Variants in ESRRG observed in about 807,000 individuals in gnomAD.
The protein encoded by ESRRG is estrogen related receptor gamma.
A neutral mutation model predicts 44.0 loss-of-function variants in ESRRG; 13 were observed. That is an observed-to-expected ratio of 0.30 (90% confidence interval 0.19 to 0.47). ESRRG has a LOEUF of 0.47. Among genes scored for constraint, ESRRG ranks in the 20% least tolerant of loss-of-function variants. The probability of loss-of-function intolerance (pLI) is 1.00; values close to 1 mark genes in which losing one functional copy is unlikely to be tolerated. For synonymous variants in ESRRG, 215 were observed against 214.6 expected (o/e 1.00, Z -0.02); for missense variants, 395 against 580.6 (o/e 0.68, Z 3.29).
chr1:216,651,853 C>T (rs2069061771), intron 2 of ESRRG, among the ~76,000 whole-genome samples: 1 of 152,022 alleles, frequency 6.6e-6, no homozygotes, highest in Admixed American at 6.6e-5. Flanking sequence ...TATGGTAGTA[C>T]CTACATATTT....
intron 2 of ESRRG, among the ~76,000 whole-genome samples, chr1:216,750,469 C>T (rs546707503): frequency 4.6e-5 from 7 of 152,194 alleles, no homozygotes; most frequent in Non-Finnish European, 1.0e-4. Flanking sequence ...TATCTCCTGG[C>T]TTTTCTGATT....
chr1:216,662,471 A>G (rs999817966), intron 2 of ESRRG, among the ~76,000 whole-genome samples: 7 of 152,166 alleles, frequency 4.6e-5, no homozygotes, highest in African/African-American at 1.7e-4. Flanking sequence ...AGCCCAGAAA[A>G]CAATGGAAGC....
chr1:216,697,399 G>A (rs1302406221), intron 1 of ESRRG, among the ~76,000 whole-genome samples: 1 of 152,176 alleles, frequency 6.6e-6, no homozygotes, highest in African/African-American at 2.4e-5. Context: ...ATTTGTGTTT[G>A]TTTAAGCACT....
intron 2 of ESRRG, among the ~76,000 whole-genome samples, chr1:216,891,710 T>C (rs1339009202): frequency 6.6e-6 from 1 of 152,160 alleles, no homozygotes; most frequent in African/African-American, 2.4e-5. Flanking sequence ...TGGAGACCTT[T>C]TTTAGGGGGC....
intron 2 of ESRRG, among the ~76,000 whole-genome samples, chr1:216,773,695 T>C (rs528167416): frequency 1.4e-4 from 21 of 152,164 alleles, no homozygotes; most frequent in African/African-American, 5.1e-4. Context: ...TAAGGGAAAA[T>C]AGTCAGACTT....
At chr1:216,830,497 G>C (rs550431880) in intron 2 of ESRRG, among the ~76,000 whole-genome samples, 16 of 152,298 alleles carry the variant, frequency 1.1e-4, no homozygotes, top group Non-Finnish European at 2.1e-4. Flanking sequence ...TGAGAGGCTT[G>C]TCAGGTGTAA....
chr1:216,732,484 C>A (rs1192662730), intron 2 of ESRRG, among the ~76,000 whole-genome samples: 1 of 151,650 alleles, frequency 6.6e-6, no homozygotes, highest in Non-Finnish European at 1.5e-5. Flanking sequence ...TCAAGCTATT[C>A]TCTTGCCTCG....
intron 2 of ESRRG, among the ~76,000 whole-genome samples, chr1:216,871,114 G>T (rs957065271): frequency 8.6e-5 from 13 of 151,860 alleles, no homozygotes; most frequent in Non-Finnish European, 1.8e-4. Flanking sequence ...TTTTCTAATA[G>T]CATATAATGC....
At chr1:216,875,794 T>A (rs1577525718) in intron 2 of ESRRG, among the ~76,000 whole-genome samples, 1 of 152,292 alleles carries the variant, frequency 6.6e-6, no homozygotes, top group African/African-American at 2.4e-5. Context: ...AATTGCTGGG[T>A]CACAGGCTAT....
intron 3 of ESRRG, among the ~76,000 whole-genome samples, chr1:216,634,086 T>TCAC (rs897923439): frequency 4.2e-4 from 64 of 152,182 alleles, no homozygotes; most frequent in Admixed American, 2.8e-3. Context: ...ACAAAGAAAT[T>TCAC]CACCTCATAG....
chr1:217,040,732 G>T (rs1448646803), intron 1 of ESRRG, among the ~76,000 whole-genome samples: 1 of 151,986 alleles, frequency 6.6e-6, no homozygotes, highest in Non-Finnish European at 1.5e-5. Context: ...TCAGTAATTT[G>T]CCCAATAACA....
At chr1:216,985,318 C>T (rs2074682289) in intron 1 of ESRRG, among the ~76,000 whole-genome samples, 1 of 152,146 alleles carries the variant, frequency 6.6e-6, no homozygotes, top group Non-Finnish European at 1.5e-5. Context: ...TTTCCCAACC[C>T]ACCTCCACGC....
intron 5 of ESRRG, among the ~76,000 whole-genome samples, chr1:216,530,327 T>TATC (rs149706688): frequency 0.04 from 6,147 of 152,098 alleles, 429 homozygotes; most frequent in African/African-American, 0.14. Flanking sequence ...TCTATCTATC[T>TATC]ATCTATCTTC....
chr1:216,658,150 T>C (rs1447151382), intron 2 of ESRRG, among the ~76,000 whole-genome samples: 2 of 152,174 alleles, frequency 1.3e-5, no homozygotes, highest in Non-Finnish European at 2.9e-5. Context: ...TCACCAAGGC[T>C]GCAGTCTGTG....
chr1:216,878,319 T>A (rs1340898071), intron 2 of ESRRG, among the ~76,000 whole-genome samples: 1 of 152,200 alleles, frequency 6.6e-6, no homozygotes, highest in East Asian at 1.9e-4. Context: ...CACTAGATAC[T>A]AATCCCTCAT....
chr1:216,788,757 C>T (rs973072127), intron 2 of ESRRG, among the ~76,000 whole-genome samples: 11 of 152,098 alleles, frequency 7.2e-5, no homozygotes, highest in African/African-American at 2.4e-4. Flanking sequence ...AGAGGATTCA[C>T]CATTCTAGAT....
intron 2 of ESRRG, among the ~76,000 whole-genome samples, chr1:216,836,786 A>G (rs970864487): frequency 3.9e-5 from 6 of 152,238 alleles, no homozygotes; most frequent in African/African-American, 9.6e-5. Flanking sequence ...CGAATCAAAT[A>G]TGACAAGACG....
At chr1:216,850,756 T>G (rs148606313) in intron 2 of ESRRG, among the ~76,000 whole-genome samples, 4 of 152,108 alleles carry the variant, frequency 2.6e-5, no homozygotes, top group African/African-American at 9.6e-5. Context: ...TTTTACAAAA[T>G]GGAAATAAGA....
intron 3 of ESRRG, among the ~76,000 whole-genome samples, chr1:216,577,168 G>GGAGAGA (rs142792725): frequency 3.4e-5 from 5 of 149,218 alleles, no homozygotes; most frequent in Admixed American, 6.7e-5. Context: ...GATGTCAGAG[G>GGAGAGA]GAGAGAGAGA....
Sources: allele counts gnomAD v4.1 joint callset (sites outside exome capture counted in the v4.1 genomes callset), GRCh38; gene constraint gnomAD v4.1.1; transcripts MANE v1.5; gene names NCBI Gene and HGNC (gene_info 2026-07-23, HGNC 2026-07-21).